Variants in ULK4 observed in about 807,000 individuals in gnomAD.
The protein encoded by ULK4 is inactive serine/threonine-protein kinase ULK4.
Under a neutral mutation model 160.6 loss-of-function variants are expected in ULK4, and 133 were observed. That is an observed-to-expected ratio of 0.83 (90% CI 0.72 to 0.96). The LOEUF (loss-of-function observed/expected upper bound fraction) is 0.96, where lower values mean the gene tolerates loss of function less well. Among genes scored for constraint, ULK4 ranks in the 40% least tolerant of loss-of-function variants. ULK4 has a pLI of 0.00. For missense variants in ULK4, 1,580 were observed against 1,499.5 expected, an observed-to-expected ratio of 1.05 and a Z score of -0.89; for synonymous variants, 534 against 539.8, an observed-to-expected ratio of 0.99 and a Z score of 0.15.
intron 34 of ULK4, among the ~76,000 whole-genome samples, chr3:41,438,071 T>C (rs931938360): frequency 6.7e-6 from 1 of 150,196 alleles, no homozygotes; most frequent in Admixed American, 6.6e-5. Flanking sequence ...AAAATAACTT[T>C]ATCATATTCT....
chr3:41,765,516 C>G (rs1167486002), intron 21 of ULK4, among the ~76,000 whole-genome samples: 3 of 151,990 alleles, frequency 2.0e-5, no homozygotes, highest in Admixed American at 1.3e-4. Context: ...TGTAACAAAC[C>G]TGCAGGTTGT....
In ULK4 at chr3:41,606,930, T is replaced by C. The variant is rs533211705; in HGVS notation, c.3120+8739A>G. 2.0e-5 allele frequency among the ~76,000 whole-genome samples: 3 copies of C among 152,238 alleles called. No individual in the cohort carries two copies. In the South Asian group the frequency reaches 6.2e-4, roughly 32 times the overall value. ...CAGGTTGTCTCTTCGTCCTGTTTAT[T>C]GTTTCTTTTGCTGTGCAGAAGCTTT... On this transcript the variant is annotated intron_variant, in intron 31 of 36. Transcript: ENST00000301831.
chr3:41,700,802 C>T (rs149650364), intron 27 of ULK4, among the ~76,000 whole-genome samples: 73 of 152,182 alleles, frequency 4.8e-4, no homozygotes, highest in African/African-American at 1.5e-3. Flanking sequence ...TACTGTAGAA[C>T]TACATTTAAC....
At chr3:41,657,818 T>TAAA (rs60281588) in intron 30 of ULK4, among the ~76,000 whole-genome samples, 7 of 99,730 alleles carry the variant, frequency 7.0e-5, no homozygotes, top group African/African-American at 1.3e-4. Context: ...TCCATCTCAT[T>TAAA]AAAAAAAAAA....
At chr3:41,376,648 C>T (rs1214118417) in intron 35 of ULK4, among the ~76,000 whole-genome samples, 1 of 149,232 alleles carries the variant, frequency 6.7e-6, no homozygotes, top group Non-Finnish European at 1.5e-5. Flanking sequence ...AATAAAATAC[C>T]TAGGAATCCA....
rs1197234650 is a variant in ULK4 at position 41,348,206 on chromosome 3, C to CAAAAAAAAAA, written c.3678+49863_3678+49872dup. Among the ~76,000 whole-genome samples the CAAAAAAAAAA allele has an allele frequency of 3.9e-4, 9 of 22,964 alleles. 2 individuals are homozygous for CAAAAAAAAAA. The highest frequency in any genetic ancestry group is 1.5e-3 in the African/African-American group (9 of 5,840). The allele number at this position is 22,964 out of a possible 152,430, so 15.1% of individuals were successfully genotyped here. A position where few individuals can be genotyped will look rare whatever the true frequency, so the allele number is the denominator to read the frequency against. Reference sequence around the variant, plus strand: ...CCTAGGCAAAAAAGTAACTCTGTCTCAAAAAAAAAAAAAAAAAAAAAAAAA... The same window carrying CAAAAAAAAAA: ...CCTAGGCAAAAAAGTAACTCTGTCTCAAAAAAAAAAAAAAAAAAAAAAAAAAAAAAAAAAA... On this transcript the variant is annotated intron_variant, in intron 35 of 36. Coordinates refer to ENST00000301831, the MANE Select transcript of ULK4 (RefSeq NM_017886.4).
intron 22 of ULK4, among the ~76,000 whole-genome samples, chr3:41,721,216 C>T (rs2037441242): frequency 7.3e-6 from 1 of 136,554 alleles, no homozygotes; most frequent in Non-Finnish European, 1.5e-5. Context: ...TGGTGGTAAT[C>T]CAGGGTAATG....
At chr3:41,744,588 G>A (rs1266700558) in intron 22 of ULK4, among the ~76,000 whole-genome samples, 1 of 151,840 alleles carries the variant, frequency 6.6e-6, no homozygotes, top group East Asian at 1.9e-4. Context: ...GAGGTGAAAA[G>A]AGAAACAGAT....
At chr3:41,483,171 C>G (rs1200815753) in intron 32 of ULK4, among the ~76,000 whole-genome samples, 2 of 152,162 alleles carry the variant, frequency 1.3e-5, no homozygotes, top group Non-Finnish European at 2.9e-5. Context: ...TCCCACTACC[C>G]TTCCCAGTCT....
intron 35 of ULK4, among the ~76,000 whole-genome samples, chr3:41,313,215 T>C (rs1019717850): frequency 2.6e-5 from 4 of 152,238 alleles, no homozygotes; most frequent in African/African-American, 7.2e-5. Context: ...CAATGTGTTT[T>C]TCCATGAGCA....
At chr3:41,610,461 A>G (rs2032618749) in intron 31 of ULK4, among the ~76,000 whole-genome samples, 1 of 152,206 alleles carries the variant, frequency 6.6e-6, no homozygotes, top group Non-Finnish European at 1.5e-5. Flanking sequence ...ACCAATACAT[A>G]TTTGTTGAGT....
rs1299363320 is a variant in ULK4 at position 41,779,765 on chromosome 3, C to T, written c.2193+9896G>A. On this transcript the variant is annotated intron_variant, in intron 21 of 36. Coordinates refer to ENST00000301831, the MANE Select transcript of ULK4 (RefSeq NM_017886.4). ...AAACCAAACACCGCATATTCTCACTCATAGGTGGGAATTGAACAATGAGAT... is the reference window on the plus strand; with the variant it reads ...AAACCAAACACCGCATATTCTCACTTATAGGTGGGAATTGAACAATGAGAT... Among the ~76,000 whole-genome samples, 22 of 80,666 alleles carry T rather than the reference C, an allele frequency of 2.7e-4. 2 individuals carry two copies. The highest frequency in any genetic ancestry group is 3.5e-4 in the African/African-American group (6 of 17,022). The allele number at this position is 80,666 out of a possible 152,430, so 52.9% of individuals were successfully genotyped here.
chr3:41,635,735 G>A (rs990002647), intron 30 of ULK4, among the ~76,000 whole-genome samples: 1 of 152,144 alleles, frequency 6.6e-6, no homozygotes, highest in Non-Finnish European at 1.5e-5. Context: ...CCATAGATTG[G>A]TGAAGCAATT....
At chr3:41,273,188 A>G (rs961174632) in intron 35 of ULK4, among the ~76,000 whole-genome samples, 5 of 152,196 alleles carry the variant, frequency 3.3e-5, no homozygotes, top group African/African-American at 1.2e-4. Context: ...GCTTTCAAAT[A>G]CAGCTGAATT....
At chr3:41,892,740 C>A (rs1451560977) in intron 16 of ULK4, among the ~76,000 whole-genome samples, 2 of 152,214 alleles carry the variant, frequency 1.3e-5, no homozygotes, top group African/African-American at 4.8e-5. Flanking sequence ...GGAACTGAAA[C>A]TTACCAAATC....
intron 21 of ULK4, among the ~76,000 whole-genome samples, chr3:41,785,716 TGTATAGACAG>T: frequency 6.6e-6 from 1 of 152,248 alleles, no homozygotes; most frequent in South Asian, 2.1e-4. Context: ...CAAACACACA[TGTATAGACAG>T]GTATAGACGA....
intron 11 of ULK4, among the ~76,000 whole-genome samples, chr3:41,909,952 G>A (rs766456125): frequency 4.6e-5 from 7 of 152,034 alleles, no homozygotes; most frequent in South Asian, 2.1e-4. Context: ...GCTGGAGCGC[G>A]ATGGCGCGAT....
intron 34 of ULK4, among the ~76,000 whole-genome samples, chr3:41,451,779 T>C (rs2083431180): frequency 6.6e-6 from 1 of 152,162 alleles, no homozygotes; most frequent in Non-Finnish European, 1.5e-5. Flanking sequence ...TTGAACCAAA[T>C]GAAACTGCTA....
chr3:41,495,125 C>T (rs1470801947), intron 32 of ULK4, among the ~76,000 whole-genome samples: 2 of 152,186 alleles, frequency 1.3e-5, no homozygotes, highest in Non-Finnish European at 2.9e-5. Context: ...ATCACCAAGT[C>T]AATGCTAAGC....
Sources: allele counts gnomAD v4.1 joint callset (sites outside exome capture counted in the v4.1 genomes callset), GRCh38; gene constraint gnomAD v4.1.1; transcripts MANE v1.5; gene names NCBI Gene and HGNC (gene_info 2026-07-23, HGNC 2026-07-21).